PCDHGA12: variants seen among roughly 807,000 people sequenced by gnomAD.
PCDHGA12 encodes the protein protocadherin gamma subfamily A, 12.
In PCDHGA12, 43 loss-of-function variants were observed where a neutral mutation model predicts 61.1. That is an observed-to-expected ratio of 0.70 (90% CI 0.55 to 0.91). The LOEUF is 0.91. Among genes scored for constraint, PCDHGA12 ranks in the 40% least tolerant of loss-of-function variants. The pLI, the probability that PCDHGA12 is intolerant of heterozygous loss-of-function variation, is 0.00. For synonymous variants in PCDHGA12, 520 were observed against 542.9 expected (o/e 0.96, Z 0.59); for missense variants, 1,236 against 1,227.7 (o/e 1.01, Z -0.10).
chr5:141,482,753 G>A (rs2154579665), intron 1 of PCDHGA12, among the ~76,000 whole-genome samples: 1 of 127,136 alleles, frequency 7.9e-6, no homozygotes. Context: ...GAGGGATTAT[G>A]GTATTTCATT....
Position 141,486,277 on chromosome 5 carries a change from G to A in PCDHGA12, c.2425-8530G>A, listed in dbSNP as rs1156704202. 6.2e-7 allele frequency: 1 copy of A among 1,614,020 alleles called. No individual in the cohort carries two copies. The highest frequency in any genetic ancestry group is 1.1e-5 in the South Asian group (1 of 91,056). ...CCGAGAGTGCAGAACCTGGCACTGT[G>A]GTGGCACTTATCAGTGTGCAGGATC... On this transcript the variant is annotated intron_variant, in intron 1 of 3. Transcript: ENST00000252085. The surrounding 1 kb of genome is among the most constrained non-coding windows in gnomAD (Gnocchi z 5.0).
chr5:141,453,796 T>C (rs1592274016), intron 1 of PCDHGA12, among the ~76,000 whole-genome samples: 1 of 152,242 alleles, frequency 6.6e-6, no homozygotes, highest in East Asian at 1.9e-4. Context: ...ATATTAACTT[T>C]GAGTAGTTCC....
chr5:141,464,200 G>C (rs1331779739), intron 1 of PCDHGA12, among the ~76,000 whole-genome samples: 1 of 149,856 alleles, frequency 6.7e-6, no homozygotes, highest in Non-Finnish European at 1.5e-5. Flanking sequence ...AGGAGGCGGA[G>C]ATTGCAGTGA....
chr5:141,461,138 C>T (rs1416058747), intron 1 of PCDHGA12, among the ~76,000 whole-genome samples: 1 of 151,942 alleles, frequency 6.6e-6, no homozygotes, highest in East Asian at 1.9e-4. Flanking sequence ...ACTTATTTTC[C>T]TTTGGGTAGA....
rs192631651 is a variant in PCDHGA12 at position 141,432,052 on chromosome 5, C to T, written c.1293C>T (p.Pro431=). The change falls in exon 1 of 4, where the codon CCC becomes CCT. Residue 431 remains proline (P), a synonymous_variant. Transcript: ENST00000252085. This position sits in a 1 kb window ranked among gnomAD's most constrained non-coding sequence, Gnocchi z 6.0. The part of the protein sequence containing the change: ...TVTATDRGTP[P]LSTETHISLN... ...CCGCCACTGACCGGGGAACCCCGCC[C>T]CTATCCACGGAAACTCATATCTCGC... is the stretch of plus-strand genomic sequence containing the variant. The T allele has an allele frequency of 1.2e-6, 2 of 1,614,108 alleles. No individual in the cohort carries two copies. The highest frequency in any genetic ancestry group is 1.3e-5 in the African/African-American group (1 of 74,930).
chr5:141,494,185 GAC>G (rs2099752607), intron 1 of PCDHGA12, among the ~76,000 whole-genome samples: 1 of 152,154 alleles, frequency 6.6e-6, no homozygotes, highest in Non-Finnish European at 1.5e-5. Context: ...AGTGTCCCGG[GAC>G]TTGGATGCCC....
rs1596259997 is a variant in PCDHGA12, at chr5:141,509,990, A to G, written c.2573-957A>G. Among the ~76,000 whole-genome samples the G allele has an allele frequency of 2.6e-5, 4 of 152,266 alleles. No individual in the cohort carries two copies. The South Asian group carries it at 8.3e-4, about 32-fold the overall frequency. ...GGTCCTTCTAACACTTGGTTCCCTC[A>G]TCTGTAAAATGAGGGTCATACCACA... is the stretch of plus-strand genomic sequence containing the variant. On this transcript the variant is annotated intron_variant, in intron 3 of 3. Transcript: ENST00000252085.
intron 2 of PCDHGA12, among the ~76,000 whole-genome samples, chr5:141,501,032 C>A (rs1370625012): frequency 6.6e-6 from 1 of 151,976 alleles, no homozygotes; most frequent in Non-Finnish European, 1.5e-5. Context: ...CCACGCCCAG[C>A]TAATTTTTGT....
At chr5:141,445,838 A>T (rs1302150397) in intron 1 of PCDHGA12, among the ~76,000 whole-genome samples, 1 of 152,218 alleles carries the variant, frequency 6.6e-6, no homozygotes, top group South Asian at 2.1e-4. Flanking sequence ...GAGCCTTGTA[A>T]ATCACACTTA....
At chr5:141,499,025 GAAGA>G (rs1309889371) in intron 2 of PCDHGA12, among the ~76,000 whole-genome samples, 11 of 140,712 alleles carry the variant, frequency 7.8e-5, no homozygotes, top group African/African-American at 2.6e-4. Flanking sequence ...AGGAAGGAAG[GAAGA>G]AAAGAAAGAA....
chr5:141,474,654 T>C (rs2099352669), intron 1 of PCDHGA12, among the ~76,000 whole-genome samples: 1 of 152,250 alleles, frequency 6.6e-6, no homozygotes, highest in African/African-American at 2.4e-5. Context: ...CTTACTTCTT[T>C]TCTACCTACC....
In PCDHGA12 at chr5:141,432,845, G is replaced by A. The variant is rs1299464282; in HGVS notation, c.2086G>A (p.Ala696Thr). The A allele has an allele frequency of 1.2e-6, 2 of 1,614,076 alleles. No individual in the cohort carries two copies. The highest frequency in any genetic ancestry group is 8.5e-7 in the Non-Finnish European group (1 of 1,180,024). Reference protein sequence around the residue: ...TSDLTLYLVVAVAAVSCVFLA... With the variant: ...TSDLTLYLVVTVAAVSCVFLA... ...AGACCTCACTCTGTACCTGGTGGTA[G>A]CGGTGGCCGCGGTCTCCTGCGTCTT... The change falls in exon 1 of 4, where the codon GCG (alanine) becomes ACG (threonine). Residue 696 changes from alanine (A) to threonine (T), a missense_variant. Physicochemically the swap from Ala to Thr is moderately conservative, Grantham distance 58. Coordinates refer to ENST00000252085, the MANE Select transcript of PCDHGA12 (RefSeq NM_003735.3). This position sits in a 1 kb window ranked among gnomAD's most constrained non-coding sequence, Gnocchi z 6.0.
intron 1 of PCDHGA12, among the ~76,000 whole-genome samples, chr5:141,457,293 T>A (rs2098916185): frequency 6.6e-6 from 1 of 152,226 alleles, no homozygotes; most frequent in Admixed American, 6.5e-5. Context: ...TTCCTTGGTT[T>A]TATTTTCCCA....
In PCDHGA12 at chr5:141,491,848, C is replaced by A; in HGVS notation, c.2425-2959C>A. 1 of 1,461,478 alleles carries A rather than the reference C, an allele frequency of 6.8e-7. No homozygotes were observed. Among genetic ancestry groups the A allele is most frequent in the Non-Finnish European group, 9.1e-7 (1 of 1,104,578 alleles). The allele number at this position is 1,461,478 out of a possible 1,614,324, so 90.5% of individuals were successfully genotyped here. A position where few individuals can be genotyped will look rare whatever the true frequency, so the allele number is the denominator to read the frequency against. On this transcript the variant is annotated intron_variant, in intron 1 of 3. Transcript: ENST00000252085. This position sits in a 1 kb window ranked among gnomAD's most constrained non-coding sequence, Gnocchi z 6.9. ...CACCCGATTCTCGGGATCATTGGAC[C>A]GTTTGCGCGAAACCAGAGTGGCCGA...
At position 141,487,635 on chromosome 5, in the gene PCDHGA12, A is replaced by C. The variant is rs1594699829; in HGVS notation, c.2425-7172A>C. 1.2e-6 allele frequency: 2 copies of C among 1,614,204 alleles called. No individual in the cohort carries two copies. Among genetic ancestry groups the C allele is most frequent in the Non-Finnish European group, 1.7e-6 (2 of 1,180,034 alleles). On this transcript the variant is annotated intron_variant, in intron 1 of 3. Transcript: ENST00000252085. The surrounding 1 kb of genome is among the most constrained non-coding windows in gnomAD (Gnocchi z 5.0). Reference sequence around the variant, plus strand: ...CTAGAGGTGAGACCTTTGCAGGCTCAACAAATGCTTGAGGGTTATTCTGAT... The same window carrying C: ...CTAGAGGTGAGACCTTTGCAGGCTCCACAAATGCTTGAGGGTTATTCTGAT...
rs901230493 is a variant in PCDHGA12, at chr5:141,487,514, C to T, written c.2425-7293C>T. 7 of 1,614,150 alleles carry T rather than the reference C, an allele frequency of 4.3e-6. No homozygotes were observed. The highest frequency in any genetic ancestry group is 1.1e-5 in the South Asian group (1 of 91,070). On this transcript the variant is annotated intron_variant, in intron 1 of 3. Transcript: ENST00000252085. The surrounding 1 kb of genome is among the most constrained non-coding windows in gnomAD (Gnocchi z 5.0). Reference sequence around the variant, plus strand: ...TACACCCTTGGCTTCTGCACCCACTCGGAGTGATAGCTTCATGATGGTGAA... The same window carrying T: ...TACACCCTTGGCTTCTGCACCCACTTGGAGTGATAGCTTCATGATGGTGAA...
In PCDHGA12 at chr5:141,485,066, G is replaced by A. The variant is rs907517904; in HGVS notation, c.2425-9741G>A. On this transcript the variant is annotated intron_variant, in intron 1 of 3. Coordinates refer to ENST00000252085, the MANE Select transcript of PCDHGA12 (RefSeq NM_003735.3). This position sits in a 1 kb window ranked among gnomAD's most constrained non-coding sequence, Gnocchi z 5.7. Reference sequence around the variant, plus strand: ...GCGGCGCCGGCCGAACCGCGCCAGAGCTGGCGCGGGGAAAGGGAGATAGGT... The same window carrying A: ...GCGGCGCCGGCCGAACCGCGCCAGAACTGGCGCGGGGAAAGGGAGATAGGT... 1 of 885,622 alleles carries A rather than the reference G, an allele frequency of 1.1e-6. No individual in the cohort carries two copies. Among genetic ancestry groups the A allele is most frequent in the Non-Finnish European group, 1.8e-6 (1 of 559,820 alleles). 54.9% of individuals were successfully genotyped at this position (885,622 alleles called of 1,614,324 possible).
At chr5:141,446,767 G>A (rs891355909) in intron 1 of PCDHGA12, among the ~76,000 whole-genome samples, 12 of 152,118 alleles carry the variant, frequency 7.9e-5, no homozygotes, top group Non-Finnish European at 1.2e-4. Flanking sequence ...GCGCCCAGCC[G>A]GTTACCATTC....
rs145569377 is a variant in PCDHGA12 at position 141,455,860 on chromosome 5, ATTATTTATTTATTTAT to A, written c.2424+22716_2424+22731del. Among the ~76,000 whole-genome samples, 551 of 139,848 alleles carry A rather than the reference ATTATTTATTTATTTAT, an allele frequency of 3.9e-3. 2 individuals carry two copies. The highest frequency in any genetic ancestry group is 9.7e-3 in the South Asian group (42 of 4,344). The allele number at this position is 139,848 out of a possible 152,430, so 91.7% of individuals were successfully genotyped here. ...CTATCTGCATAAAATAATTTCTTTTATTATTTATTTATTTATTTATTTATTTATTTATTTATTTATT... is the reference window on the plus strand; with the variant it reads ...CTATCTGCATAAAATAATTTCTTTTATTATTTATTTATTTATTTATTTATT... On this transcript the variant is annotated intron_variant, in intron 1 of 3. Transcript: ENST00000252085.
Sources: allele counts gnomAD v4.1 joint callset (sites outside exome capture counted in the v4.1 genomes callset), GRCh38; gene constraint gnomAD v4.1.1; non-coding constraint Gnocchi (gnomAD v3.1); transcripts MANE v1.5; gene names NCBI Gene and HGNC (gene_info 2026-07-23, HGNC 2026-07-21).